MDGA2: variants seen among roughly 807,000 people sequenced by gnomAD.
MDGA2 encodes MAM domain containing glycosylphosphatidylinositol anchor 2.
In MDGA2, 40 loss-of-function variants were observed where a neutral mutation model predicts 117.8. That is an observed-to-expected ratio of 0.34 (90% CI 0.26 to 0.44). The LOEUF is 0.44. Among genes scored for constraint, MDGA2 ranks in the 20% least tolerant of loss-of-function variants. The pLI, the probability that MDGA2 is intolerant of heterozygous loss-of-function variation, is 1.00. For missense variants in MDGA2, 1,123 were observed against 1,250.6 expected, an observed-to-expected ratio of 0.90 and a Z score of 1.54; for synonymous variants, 452 against 439.0, an observed-to-expected ratio of 1.03 and a Z score of -0.37.
intron 1 of MDGA2, among the ~76,000 whole-genome samples, chr14:47,341,944 A>G (rs936909781): frequency 2.6e-5 from 4 of 151,974 alleles, no homozygotes; most frequent in African/African-American, 9.7e-5. Flanking sequence ...GGTTCAGGCA[A>G]TTCTCCTGCC....
chr14:46,949,500 C>T (rs1047903279), intron 9 of MDGA2, among the ~76,000 whole-genome samples: 2 of 151,948 alleles, frequency 1.3e-5, no homozygotes, highest in Admixed American at 1.3e-4. Context: ...TTAACCCTCA[C>T]CTCCCTTTCT....
At chr14:47,076,252 GA>G (rs1044730882) in intron 6 of MDGA2, among the ~76,000 whole-genome samples, 5 of 150,572 alleles carry the variant, frequency 3.3e-5, no homozygotes, top group Admixed American at 2.0e-4. Flanking sequence ...ACATGCAGAG[GA>G]AAAAAAACTT....
Position 47,639,938 on chromosome 14 carries a change from A to C in MDGA2, c.280+34579T>G, listed in dbSNP as rs576724973. 7.9e-5 allele frequency among the ~76,000 whole-genome samples: 12 copies of C among 152,296 alleles called. No individual in the cohort carries two copies. The South Asian group carries it at 2.5e-3, about 32-fold the overall frequency. Reference sequence around the variant, plus strand: ...GGGGCCTTAACCTGCTCATTACTGCATCACTAGCTTTAAGCCCAGTACTTG... The same window carrying C: ...GGGGCCTTAACCTGCTCATTACTGCCTCACTAGCTTTAAGCCCAGTACTTG... On this transcript the variant is annotated intron_variant, in intron 1 of 16. Coordinates refer to ENST00000399232, the MANE Select transcript of MDGA2 (RefSeq NM_001113498.3).
At chr14:47,272,109 C>T (rs554412090) in intron 2 of MDGA2, among the ~76,000 whole-genome samples, 1 of 152,140 alleles carries the variant, frequency 6.6e-6, no homozygotes, top group African/African-American at 2.4e-5. Context: ...AAATACAACA[C>T]ATTAAGTGTT....
At chr14:47,080,254 A>G (rs1890659583) in intron 6 of MDGA2, among the ~76,000 whole-genome samples, 1 of 152,216 alleles carries the variant, frequency 6.6e-6, no homozygotes, top group Non-Finnish European at 1.5e-5. Flanking sequence ...AGTAGTAAAA[A>G]TAAGTTTATA....
At chr14:46,857,618 C>A (rs928535328) in intron 14 of MDGA2, among the ~76,000 whole-genome samples, 1 of 151,882 alleles carries the variant, frequency 6.6e-6, no homozygotes, top group Non-Finnish European at 1.5e-5. Flanking sequence ...TCTTCTAAGT[C>A]TTTTCCATTA....
At chr14:47,025,854 G>C (rs909606701) in intron 8 of MDGA2, among the ~76,000 whole-genome samples, 6 of 152,128 alleles carry the variant, frequency 3.9e-5, no homozygotes, top group South Asian at 2.1e-4. Context: ...ATTAAAACAT[G>C]TTTTTAGACA....
chr14:47,084,523 C>G (rs1013446131), intron 6 of MDGA2, among the ~76,000 whole-genome samples: 12 of 150,904 alleles, frequency 8.0e-5, no homozygotes, highest in African/African-American at 2.7e-4. Flanking sequence ...AACTGACATG[C>G]TGAGTAATAA....
chr14:46,884,668 A>G lies in MDGA2; in HGVS notation c.2239-2447T>C, dbSNP rs1882599041. 6.6e-6 allele frequency among the ~76,000 whole-genome samples: 1 copy of G among 152,116 alleles called. No individual in the cohort carries two copies. The highest frequency in any genetic ancestry group is 6.6e-5 in the Admixed American group (1 of 15,256). Reference sequence around the variant, plus strand: ...AGAGTGTCTGCACAGAAGAGAGAAAAATATATACCATTCAATTGGTTATGC... The same window carrying G: ...AGAGTGTCTGCACAGAAGAGAGAAAGATATATACCATTCAATTGGTTATGC... On this transcript the variant is annotated intron_variant, in intron 10 of 16. Transcript: ENST00000399232. This position sits in a 1 kb window ranked among gnomAD's most constrained non-coding sequence, Gnocchi z 4.1.
chr14:46,855,310 T>C lies in MDGA2; in HGVS notation c.2753-156A>G, dbSNP rs965879342. The stretch of plus-strand genomic sequence containing the variant: ...CCTCTCATTTCCTATCTTGCTCTTA[T>C]GACATTTGACATTTGATCCAAAAGT... On this transcript the variant is annotated intron_variant, in intron 14 of 16. Transcript: ENST00000399232. The surrounding 1 kb of genome is among the most constrained non-coding windows in gnomAD (Gnocchi z 4.1). Among the ~76,000 whole-genome samples, 2 of 152,160 alleles carry C rather than the reference T, an allele frequency of 1.3e-5. No homozygotes were observed. Among genetic ancestry groups the C allele is most frequent in the African/African-American group, 2.4e-5 (1 of 41,456 alleles).
chr14:47,180,261 A>C (rs1884645837), intron 3 of MDGA2, among the ~76,000 whole-genome samples: 1 of 152,112 alleles, frequency 6.6e-6, no homozygotes, highest in East Asian at 1.9e-4. Context: ...TTTAGCTCCC[A>C]CTTTTAAGTA....
At chr14:47,521,914 C>T (rs1457351136) in intron 1 of MDGA2, among the ~76,000 whole-genome samples, 3 of 151,988 alleles carry the variant, frequency 2.0e-5, no homozygotes, top group East Asian at 1.9e-4. Context: ...TCAGGTGATC[C>T]GCCCACCTCA....
intron 1 of MDGA2, among the ~76,000 whole-genome samples, chr14:47,559,943 T>A (rs1043103394): frequency 6.6e-6 from 1 of 152,188 alleles, no homozygotes; most frequent in African/African-American, 2.4e-5. Context: ...CTGGGTCAAA[T>A]GGCACGTCTA....
At chr14:47,073,613 TAA>T (rs1297724266) in intron 6 of MDGA2, among the ~76,000 whole-genome samples, 1 of 152,156 alleles carries the variant, frequency 6.6e-6, no homozygotes, top group Non-Finnish European at 1.5e-5. Flanking sequence ...AAAAATTTGA[TAA>T]AGACAAAGAC....
intron 8 of MDGA2, among the ~76,000 whole-genome samples, chr14:46,973,113 A>G (rs1360679156): frequency 1.3e-5 from 2 of 152,134 alleles, no homozygotes; most frequent in Non-Finnish European, 2.9e-5. Flanking sequence ...GACTGACACC[A>G]CTAAATGCTG....
intron 6 of MDGA2, among the ~76,000 whole-genome samples, chr14:47,074,901 C>A (rs1350725432): frequency 6.6e-6 from 1 of 152,128 alleles, no homozygotes; most frequent in African/African-American, 2.4e-5. Flanking sequence ...ATTGTCCGCT[C>A]GATTTTTATG....
At chr14:47,436,818 A>G (rs1183351462) in intron 1 of MDGA2, among the ~76,000 whole-genome samples, 1 of 152,124 alleles carries the variant, frequency 6.6e-6, no homozygotes, top group Non-Finnish European at 1.5e-5. Context: ...TAGCCAGTTC[A>G]TTTCTTGAGG....
intron 2 of MDGA2, among the ~76,000 whole-genome samples, chr14:47,241,804 G>A (rs1887051364): frequency 6.6e-6 from 1 of 151,862 alleles, no homozygotes; most frequent in South Asian, 2.1e-4. Context: ...AATTGGCAAA[G>A]TGATGTTTAC....
chr14:47,290,804 A>G (rs1888858922), intron 2 of MDGA2, among the ~76,000 whole-genome samples: 1 of 152,048 alleles, frequency 6.6e-6, no homozygotes, highest in Non-Finnish European at 1.5e-5. Flanking sequence ...GAAAAAAAAA[A>G]AACACAATAT....
Sources: gnomAD v4.1 joint callset for allele counts (sites outside exome capture counted in the v4.1 genomes callset) on GRCh38, gnomAD v4.1.1 for gene constraint, Gnocchi (gnomAD v3.1) non-coding constraint, MANE v1.5 for transcripts, NCBI Gene and HGNC (gene_info 2026-07-23, HGNC 2026-07-21) for gene names.